HNRNPA1L2: variants seen among roughly 807,000 people sequenced by gnomAD.
The protein encoded by HNRNPA1L2 is heterogeneous nuclear ribonucleoprotein A1-like 2.
A neutral mutation model predicts 18.2 loss-of-function variants in HNRNPA1L2; 10 were observed. The observed-to-expected ratio is 0.55, with a 90% confidence interval of 0.34 to 0.93. The LOEUF is 0.93. Among genes scored for constraint, HNRNPA1L2 ranks in the 40% least tolerant of loss-of-function variants. The pLI, the probability that HNRNPA1L2 is intolerant of heterozygous loss-of-function variation, is 0.02. For synonymous variants in HNRNPA1L2, 124 were observed against 138.6 expected (o/e 0.89, Z 0.74); for missense variants, 308 against 394.4 (o/e 0.78, Z 1.85).
the HNRNPA1L2 span, among the ~76,000 whole-genome samples, chr13:52,627,742 A>T: frequency 1.1e-4 from 16 of 152,214 alleles, 1 homozygote; most frequent in Admixed American, 1.0e-3. Context: ...TAAAAAACTT[A>T]TGTCTTAAGT....
At chr13:52,624,174 G>C in the HNRNPA1L2 span, among the ~76,000 whole-genome samples, 1 of 152,178 alleles carries the variant, frequency 6.6e-6, no homozygotes, top group Non-Finnish European at 1.5e-5. Flanking sequence ...GAGTGCAGTG[G>C]CGCGGTCTTG....
chr13:52,639,917 T>G (rs1961601523), upstream of HNRNPA1L2, among the ~76,000 whole-genome samples: 1 of 143,154 alleles, frequency 7.0e-6, no homozygotes. Flanking sequence ...TTTGAGATAG[T>G]GTCTCGCTCT....
At chr13:52,627,150 T>A in the HNRNPA1L2 span, among the ~76,000 whole-genome samples, 1 of 152,190 alleles carries the variant, frequency 6.6e-6, no homozygotes, top group African/African-American at 2.4e-5. Flanking sequence ...ATATTGTTTT[T>A]GAAATACAAT....
At chr13:52,622,909 C>A in the HNRNPA1L2 span, among the ~76,000 whole-genome samples, 1 of 151,550 alleles carries the variant, frequency 6.6e-6, no homozygotes, top group Non-Finnish European at 1.5e-5. Flanking sequence ...GTCATTAATT[C>A]AAGTAGTAAG....
the HNRNPA1L2 span, among the ~76,000 whole-genome samples, chr13:52,625,809 G>A: frequency 6.6e-5 from 10 of 152,002 alleles, no homozygotes; most frequent in African/African-American, 2.4e-4. Context: ...ACAGGGTGTT[G>A]CTCTGTGGCC....
chr13:52,631,962 A>G, the HNRNPA1L2 span, among the ~76,000 whole-genome samples: 1 of 152,202 alleles, frequency 6.6e-6, no homozygotes, highest in South Asian at 2.1e-4. Context: ...TAAACATTGC[A>G]GTGTTTCCTG....
chr13:52,636,743 A>AT, the HNRNPA1L2 span, among the ~76,000 whole-genome samples: 605 of 151,834 alleles, frequency 4.0e-3, 4 homozygotes, highest in African/African-American at 0.014. Context: ...ATACAAATTT[A>AT]TTTTTTTTTC....
chr13:52,623,992 G>C, the HNRNPA1L2 span, among the ~76,000 whole-genome samples: 5 of 152,326 alleles, frequency 3.3e-5, no homozygotes, highest in Non-Finnish European at 5.9e-5. Context: ...CTTAGCTGAG[G>C]GTGTTAGCAG....
the HNRNPA1L2 span, among the ~76,000 whole-genome samples, chr13:52,624,956 G>A: frequency 3.3e-5 from 5 of 152,044 alleles, no homozygotes; most frequent in South Asian, 2.1e-4. Context: ...CCTTGAACCC[G>A]GGAGGTGGAC....
chr13:52,637,380 A>G, the HNRNPA1L2 span: 1 of 238,326 alleles, frequency 4.2e-6, no homozygotes, highest in Non-Finnish European at 8.8e-6. Context: ...CTTGAGAATG[A>G]GATTGAAGAA....
rs750135684 is a variant in HNRNPA1L2, at chr13:52,642,701, C to T, written c.209C>T (p.Ala70Val). The change falls in exon 1 of 1, where the codon GCA (alanine) becomes GTA (valine). Residue 70 changes from alanine (A) to valine (V), a missense_variant. Physicochemically the swap from Ala to Val is moderately conservative, Grantham distance 64. Transcript: ENST00000357495. ...TATGCCACTGTGGAGGAGGTGGATG[C>T]AGCTATGAATACAACGCCACACAAG... ...VTYATVEEVD[A>V]AMNTTPHKVD... is the part of the protein sequence containing the mutation. The T allele has an allele frequency of 8.7e-6, 14 of 1,606,884 alleles. No individual in the cohort carries two copies. The highest frequency in any genetic ancestry group is 1.2e-5 in the Non-Finnish European group (14 of 1,179,812).
chr13:52,618,721 T>C, the HNRNPA1L2 span, among the ~76,000 whole-genome samples: 2 of 152,226 alleles, frequency 1.3e-5, no homozygotes, highest in East Asian at 3.9e-4. Context: ...AATATAGAAG[T>C]GTGAAAAATG....
At chr13:52,628,934 G>T in the HNRNPA1L2 span, among the ~76,000 whole-genome samples, 2 of 152,154 alleles carry the variant, frequency 1.3e-5, no homozygotes, top group Admixed American at 6.5e-5. Context: ...GGACTGCAAT[G>T]GTGCGATTTC....
At chr13:52,638,305 C>A (rs1961526885), upstream of HNRNPA1L2, among the ~76,000 whole-genome samples, 2 of 152,090 alleles carry the variant, frequency 1.3e-5, no homozygotes, top group African/African-American at 4.8e-5. Context: ...TAGGGGATGA[C>A]CATGGGTATT....
At chr13:52,620,947 T>A in the HNRNPA1L2 span, among the ~76,000 whole-genome samples, 2 of 152,164 alleles carry the variant, frequency 1.3e-5, no homozygotes, top group Non-Finnish European at 2.9e-5. Context: ...CAGCTTCATA[T>A]AAGTAGGGAC....
chr13:52,629,799 A>T, the HNRNPA1L2 span, among the ~76,000 whole-genome samples: 4 of 152,180 alleles, frequency 2.6e-5, no homozygotes, highest in African/African-American at 7.2e-5. Context: ...GAAAAGAAAG[A>T]AAGGCGTAGG....
At chr13:52,623,811 T>C in the HNRNPA1L2 span, among the ~76,000 whole-genome samples, 5 of 152,252 alleles carry the variant, frequency 3.3e-5, no homozygotes, top group Non-Finnish European at 5.9e-5. Flanking sequence ...TCACTCATTA[T>C]GCTCACAGAT....
chr13:52,632,732 A>G, the HNRNPA1L2 span, among the ~76,000 whole-genome samples: 8 of 152,348 alleles, frequency 5.3e-5, no homozygotes, highest in East Asian at 3.9e-4. Context: ...TGAGTTTACT[A>G]GGACTTACCT....
chr13:52,641,381 C>A (rs1474987940), upstream of HNRNPA1L2: 1 of 152,252 alleles, frequency 6.6e-6, no homozygotes, highest in Admixed American at 6.5e-5. Context: ...TCCTTCTCTT[C>A]CTGGACCTCT....
Sources: allele counts gnomAD v4.1 joint callset (sites outside exome capture counted in the v4.1 genomes callset), GRCh38; gene constraint gnomAD v4.1.1; transcripts MANE v1.5; gene names NCBI Gene and HGNC (gene_info 2026-07-23, HGNC 2026-07-21).